Variants in LINS1 observed in about 807,000 individuals in gnomAD.
The protein encoded by LINS1 is protein Lines homolog 1.
LINS1 carries 27 observed loss-of-function variants against 41.6 expected under a neutral mutation model. The ratio of observed to expected loss-of-function variants is 0.65; its 90% CI spans 0.48 to 0.89. LINS1 has a LOEUF of 0.89. Ranked by LOEUF, LINS1 falls within the 40% of genes least tolerant of loss-of-function variation. The pLI is 0.00. For synonymous variants in LINS1, 336 were observed against 312.9 expected (o/e 1.07, Z -0.78); for missense variants, 955 against 884.1 (o/e 1.08, Z -1.02).
chr15:100,600,446 G>A (rs1010518821), intron 1 of LINS1, among the ~76,000 whole-genome samples: 1 of 149,164 alleles, frequency 6.7e-6, no homozygotes, highest in Non-Finnish European at 1.5e-5. Context: ...TGGGCCTAGT[G>A]CAGGGGTTTA....
rs150892369 is a variant in LINS1, at chr15:100,568,214, G to A, written c.*1024C>T. ...AGGTATAATCACTTCTCAAAGAAAC[G>A]GCTAAGATTTTACATTTGTAATATA... On this transcript the variant is annotated 3_prime_UTR_variant, in exon 7 of 7. Coordinates refer to ENST00000314742, the MANE Select transcript of LINS1 (RefSeq NM_001040616.3). The A allele has an allele frequency of 1.3e-5, 2 of 152,190 alleles. No individual in the cohort carries two copies. The highest frequency in any genetic ancestry group is 2.9e-5 in the Non-Finnish European group (2 of 68,014). 9.4% of individuals were successfully genotyped at this position (152,190 alleles called of 1,614,324 possible). A position where few individuals can be genotyped will look rare whatever the true frequency, so the allele number is the denominator to read the frequency against.
At position 100,580,609 on chromosome 15, in the gene LINS1, G is replaced by C. The variant is rs572235619; in HGVS notation, c.234C>G (p.Thr78=). 1.1e-5 allele frequency: 17 copies of C among 1,613,946 alleles called. 1 individual carries two copies. The South Asian group carries it at 1.8e-4, about 17-fold the overall frequency. ...PIAVAPVCLK[T]NSQMSGSREV... Reference sequence around the variant, plus strand: ...CTCTGGAACCGCTCATCTGAGAGTTGGTCTTCAAACACACAGGTGCTACAG... The same window carrying C: ...CTCTGGAACCGCTCATCTGAGAGTTCGTCTTCAAACACACAGGTGCTACAG... Residue 78 remains threonine (T), a synonymous_variant, in exon 2 of 7, where the codon ACC becomes ACG. Coordinates refer to ENST00000314742, the MANE Select transcript of LINS1 (RefSeq NM_001040616.3).
At chr15:100,592,620 T>G (rs1567099552) in intron 1 of LINS1, among the ~76,000 whole-genome samples, 1 of 152,216 alleles carries the variant, frequency 6.6e-6, no homozygotes, top group African/African-American at 2.4e-5. Context: ...TTACCTTTAG[T>G]GCTCTGAAGC....
chr15:100,596,602 G>A (rs375738947), intron 1 of LINS1, among the ~76,000 whole-genome samples: 5 of 152,292 alleles, frequency 3.3e-5, no homozygotes, highest in African/African-American at 1.2e-4. Context: ...GAGAGTCCTC[G>A]GCAAGGTTTC....
intron 1 of LINS1, among the ~76,000 whole-genome samples, chr15:100,592,719 T>G (rs2039091043): frequency 6.6e-6 from 1 of 152,210 alleles, no homozygotes; most frequent in Admixed American, 6.5e-5. Context: ...CCATAGGAAG[T>G]AATAGGCTTA....
At chr15:100,573,604 T>A in intron 5 of LINS1, 47 bp downstream of exon 5, 1 of 1,150,360 alleles carries the variant, frequency 8.7e-7, no homozygotes, top group Non-Finnish European at 1.3e-6. Flanking sequence ...TTACTGTACT[T>A]AAGTAAATAA....
intron 1 of LINS1, among the ~76,000 whole-genome samples, chr15:100,595,373 A>G (rs1253062180): frequency 6.6e-6 from 1 of 152,186 alleles, no homozygotes; most frequent in African/African-American, 2.4e-5. Flanking sequence ...TGGATCAGAC[A>G]TGCACAGACA....
At chr15:100,572,996 C>A (rs1567715209) in intron 5 of LINS1, 1 of 199,114 alleles carries the variant, frequency 5.0e-6, no homozygotes, top group East Asian at 1.7e-4. Flanking sequence ...CAGAGCAAGA[C>A]CCTGCCTCAA....
chr15:100,597,751 C>T (rs866248885), intron 1 of LINS1, among the ~76,000 whole-genome samples: 1 of 152,228 alleles, frequency 6.6e-6, no homozygotes, highest in African/African-American at 2.4e-5. Flanking sequence ...CCCACAAACC[C>T]GCCACCAGTG....
intron 1 of LINS1, among the ~76,000 whole-genome samples, chr15:100,591,573 G>A (rs533652332): frequency 3.9e-5 from 6 of 152,330 alleles, no homozygotes; most frequent in Middle Eastern, 3.4e-3. Context: ...AGACGTTAAG[G>A]AAACACATAG....
At chr15:100,591,293 C>T (rs1252027663) in intron 1 of LINS1, among the ~76,000 whole-genome samples, 1 of 152,190 alleles carries the variant, frequency 6.6e-6, no homozygotes, top group East Asian at 1.9e-4. Context: ...CTCTCTTCAA[C>T]TGGAATGACA....
intron 1 of LINS1, 86 bp from the exon 2 acceptor site, chr15:100,581,031 C>G (rs764962235): frequency 6.2e-5 from 34 of 551,404 alleles, no homozygotes; most frequent in Admixed American, 1.3e-4. Context: ...ATCACTAAGT[C>G]TCTCAAGTTA....
intron 1 of LINS1, among the ~76,000 whole-genome samples, chr15:100,598,702 A>C (rs2039349970): frequency 6.6e-6 from 1 of 152,242 alleles, no homozygotes; most frequent in Non-Finnish European, 1.5e-5. Context: ...ACCCAGCCCC[A>C]TCGCCTTTTC....
At position 100,580,447 on chromosome 15, in the gene LINS1, T is replaced by A. The variant is rs111326242; in HGVS notation, c.396A>T (p.Lys132Asn). The A allele has an allele frequency of 3.1e-6, 5 of 1,613,648 alleles. No homozygotes were observed. In the East Asian group the frequency reaches 6.7e-5, roughly 22 times the overall value. ...ILLESAKVDS[K>N]LICMFQNSDK... ...TTTAGAAAAACAAATGGCTTACTAA[T>A]TTAGAATCGACTTTGGCTGATTCTA... is the stretch of plus-strand genomic sequence containing the variant. The change falls in exon 2 of 7, where the codon AAA becomes AAT. Residue 132 changes from lysine to asparagine, a missense_variant. By Grantham distance (94) the Lys-to-Asn change is moderately conservative (BLOSUM62 0). Transcript: ENST00000314742.
intron 3 of LINS1, among the ~76,000 whole-genome samples, chr15:100,577,717 T>A (rs1283885237): frequency 6.6e-6 from 1 of 152,102 alleles, no homozygotes; most frequent in Non-Finnish European, 1.5e-5. Context: ...CATTGCCAAG[T>A]CAATCCTAAG....
At chr15:100,595,506 G>C (rs1360453868) in intron 1 of LINS1, among the ~76,000 whole-genome samples, 2 of 152,106 alleles carry the variant, frequency 1.3e-5, no homozygotes, top group Non-Finnish European at 2.9e-5. Flanking sequence ...AGCTAAAAAT[G>C]ACTCCAAATG....
chr15:100,597,320 A>G (rs1317593951), intron 1 of LINS1, among the ~76,000 whole-genome samples: 2 of 151,996 alleles, frequency 1.3e-5, no homozygotes, highest in East Asian at 1.9e-4. Context: ...TAGAATCATA[A>G]CGTGTTCATA....
chr15:100,578,221 A>G (rs1439191351), intron 3 of LINS1, among the ~76,000 whole-genome samples: 3 of 151,976 alleles, frequency 2.0e-5, no homozygotes, highest in East Asian at 1.9e-4. Flanking sequence ...AGAAACTACC[A>G]TCAGAGTGAA....
chr15:100,570,235 C>G (rs963325106), intron 6 of LINS1, 118 bp from the exon 7 acceptor site: 2 of 820,652 alleles, frequency 2.4e-6, no homozygotes, highest in Non-Finnish European at 3.6e-6. Context: ...ATCTATGCAT[C>G]ACTTCTTAAA....
Sources: gnomAD v4.1 joint callset for allele counts (sites outside exome capture counted in the v4.1 genomes callset) on GRCh38, gnomAD v4.1.1 for gene constraint, MANE v1.5 for transcripts, NCBI Gene and HGNC (gene_info 2026-07-23, HGNC 2026-07-21) for gene names.